LRRTM4: variants seen among roughly 807,000 people sequenced by gnomAD.
LRRTM4 encodes the protein leucine rich repeat transmembrane neuronal 4, also known as leucine-rich repeat transmembrane neuronal protein 4.
In LRRTM4, 25 loss-of-function variants were observed where a neutral mutation model predicts 47.6. That is an observed-to-expected ratio of 0.53 (90% confidence interval 0.38 to 0.73). The LOEUF (loss-of-function observed/expected upper bound fraction) is 0.73, where lower values mean the gene tolerates loss of function less well. LRRTM4 is among the 30% of genes least tolerant of loss of function. The pLI is 0.00. For missense variants in LRRTM4, 638 were observed against 713.4 expected, an observed-to-expected ratio of 0.89 and a Z score of 1.20; for synonymous variants, 311 against 269.5, an observed-to-expected ratio of 1.15 and a Z score of -1.51.
intron 3 of LRRTM4, among the ~76,000 whole-genome samples, chr2:76,801,227 C>T (rs1337055398): frequency 6.6e-6 from 1 of 152,020 alleles, no homozygotes; most frequent in Admixed American, 6.6e-5. Flanking sequence ...ATGTTTATTG[C>T]AGCATTATTC....
At chr2:76,797,518 A>C (rs957205420) in intron 3 of LRRTM4, among the ~76,000 whole-genome samples, 10 of 152,212 alleles carry the variant, frequency 6.6e-5, no homozygotes, top group Non-Finnish European at 1.3e-4. Context: ...ATCATGCCAA[A>C]ATGTAAAGAC....
At chr2:76,909,853 C>A (rs192602204) in intron 3 of LRRTM4, among the ~76,000 whole-genome samples, 140 of 152,270 alleles carry the variant, frequency 9.2e-4, no homozygotes, top group African/African-American at 3.2e-3. Flanking sequence ...ACAACAGGTG[C>A]TGGAGAGGAT....
intron 3 of LRRTM4, among the ~76,000 whole-genome samples, chr2:77,072,640 A>G (rs903565146): frequency 4.6e-5 from 7 of 151,972 alleles, no homozygotes; most frequent in African/African-American, 1.7e-4. Flanking sequence ...TGTACTAGGT[A>G]TACAGAAAAT....
At chr2:76,762,433 C>T (rs566037796) in intron 3 of LRRTM4, among the ~76,000 whole-genome samples, 1 of 151,950 alleles carries the variant, frequency 6.6e-6, no homozygotes. Context: ...AAAATTCTAC[C>T]CTCACCTCTC....
At chr2:76,881,461 C>T (rs1672926655) in intron 3 of LRRTM4, among the ~76,000 whole-genome samples, 2 of 142,510 alleles carry the variant, frequency 1.4e-5, no homozygotes, top group Admixed American at 7.4e-5. Flanking sequence ...GAGAGGCTTG[C>T]TAAAGACTTT....
intron 3 of LRRTM4, among the ~76,000 whole-genome samples, chr2:77,125,365 T>G (rs1671626487): frequency 6.6e-6 from 1 of 152,262 alleles, no homozygotes; most frequent in South Asian, 2.1e-4. Context: ...CAGATAGAGG[T>G]GCACATGAGT....
At chr2:77,259,672 A>G (rs188915300) in intron 3 of LRRTM4, among the ~76,000 whole-genome samples, 20 of 152,202 alleles carry the variant, frequency 1.3e-4, no homozygotes, top group African/African-American at 4.1e-4. Context: ...ACTGTTCCCT[A>G]AGGTTATATA....
chr2:77,418,892 G>A (rs1354591), intron 3 of LRRTM4, among the ~76,000 whole-genome samples: 6,705 of 152,130 alleles, frequency 0.044, 489 homozygotes, highest in African/African-American at 0.15. Flanking sequence ...AGCATTTACA[G>A]GCTTCCACTA....
chr2:77,270,964 C>T (rs987905807), intron 3 of LRRTM4, among the ~76,000 whole-genome samples: 15 of 152,144 alleles, frequency 9.9e-5, no homozygotes, highest in Admixed American at 9.8e-4. Context: ...CATTCTGAGT[C>T]CTATGAAGAC....
intron 3 of LRRTM4, among the ~76,000 whole-genome samples, chr2:77,021,925 T>C (rs1678290640): frequency 6.6e-6 from 1 of 152,208 alleles, no homozygotes; most frequent in South Asian, 2.1e-4. Context: ...CTTAGCTCCC[T>C]AGAATTTGTT....
intron 3 of LRRTM4, among the ~76,000 whole-genome samples, chr2:77,022,922 C>G (rs1678325533): frequency 6.6e-6 from 1 of 152,192 alleles, no homozygotes; most frequent in Non-Finnish European, 1.5e-5. Flanking sequence ...TAGGCAGTCC[C>G]CAGTAGGGAC....
At position 77,416,122 on chromosome 2, in the gene LRRTM4, T is replaced by C. The variant is rs567772519; in HGVS notation, c.1551+102196A>G. Among the ~76,000 whole-genome samples the C allele has an allele frequency of 3.0e-4, 45 of 152,278 alleles. 1 individual carries two copies. In the South Asian group the frequency reaches 7.5e-3, roughly 25 times the overall value. The stretch of plus-strand genomic sequence containing the variant: ...TTTTTCTTTAAAATAAAATATGTTT[T>C]GCACTTTCCTTTTGTTTGGTGACAC... On this transcript the variant is annotated intron_variant, in intron 3 of 3. Coordinates refer to ENST00000409884, the MANE Select transcript of LRRTM4 (RefSeq NM_001134745.3).
intron 3 of LRRTM4, among the ~76,000 whole-genome samples, chr2:77,477,579 ACGC>A (rs1252490684): frequency 1.3e-5 from 2 of 152,074 alleles, no homozygotes; most frequent in Non-Finnish European, 2.9e-5. Context: ...ACAGTGGCTC[ACGC>A]CTGTAATCCC....
intron 3 of LRRTM4, among the ~76,000 whole-genome samples, chr2:77,509,396 G>A (rs1573509404): frequency 6.6e-6 from 1 of 152,130 alleles, no homozygotes; most frequent in South Asian, 2.1e-4. Context: ...TGCTTTCTTT[G>A]CAAGGTGAAT....
chr2:76,818,104 A>C (rs985619015), intron 3 of LRRTM4, among the ~76,000 whole-genome samples: 2 of 151,920 alleles, frequency 1.3e-5, no homozygotes, highest in Non-Finnish European at 2.9e-5. Context: ...AGAAAAACAA[A>C]AGCTACAGTG....
chr2:77,111,214 T>A (rs1671238539), intron 3 of LRRTM4, among the ~76,000 whole-genome samples: 1 of 151,452 alleles, frequency 6.6e-6, no homozygotes, highest in African/African-American at 2.4e-5. Flanking sequence ...GGTTCAAGGG[T>A]TCAAGCAATT....
intron 3 of LRRTM4, among the ~76,000 whole-genome samples, chr2:77,487,286 A>G (rs557511850): frequency 4.5e-4 from 69 of 152,296 alleles, no homozygotes; most frequent in Non-Finnish European, 8.5e-4. Flanking sequence ...GGGACCCAGG[A>G]AGCTCCTTGC....
chr2:77,173,167 T>TCCTAATAAAATAAACCCAGGGATTAGGC (rs1558618153), intron 3 of LRRTM4, among the ~76,000 whole-genome samples: 2 of 151,960 alleles, frequency 1.3e-5, no homozygotes, highest in African/African-American at 4.8e-5. Context: ...AGGGATTAGG[T>TCCTAATAAAATAAACCCAGGGATTAGGC]GGCAGAATCC....
intron 3 of LRRTM4, among the ~76,000 whole-genome samples, chr2:76,805,981 G>A (rs1401561590): frequency 6.6e-6 from 1 of 152,146 alleles, no homozygotes; most frequent in South Asian, 2.1e-4. Context: ...AGAACCCTAG[G>A]CTTACAGTTC....
Sources: gnomAD v4.1 joint callset for allele counts (sites outside exome capture counted in the v4.1 genomes callset) on GRCh38, gnomAD v4.1.1 for gene constraint, MANE v1.5 for transcripts, NCBI Gene and HGNC (gene_info 2026-07-23, HGNC 2026-07-21) for gene names.